ZFHX3: variants seen among roughly 807,000 people sequenced by gnomAD.
The protein encoded by ZFHX3 is zinc finger homeobox 3.
ZFHX3 carries 42 observed loss-of-function variants against 279.1 expected under a neutral mutation model. The ratio of observed to expected loss-of-function variants is 0.15; its 90% CI spans 0.12 to 0.19. The LOEUF (loss-of-function observed/expected upper bound fraction) is 0.19, where lower values mean the gene tolerates loss of function less well. Among genes scored for constraint, ZFHX3 ranks in the 10% least tolerant of loss-of-function variants. The pLI, the probability that ZFHX3 is intolerant of heterozygous loss-of-function variation, is 1.00. For synonymous variants in ZFHX3, 2,293 were observed against 1,957.8 expected, an observed-to-expected ratio of 1.17 and a Z score of -4.52; for missense variants, 4,981 against 4,754.0, an observed-to-expected ratio of 1.05 and a Z score of -1.40.
intron 4 of ZFHX3, among the ~76,000 whole-genome samples, chr16:73,313,982 C>T (rs2015388157): frequency 6.6e-6 from 1 of 152,060 alleles, no homozygotes; most frequent in African/African-American, 2.4e-5. Flanking sequence ...ACCTGTAGTC[C>T]CAGCTCCTTG....
At chr16:73,485,048 C>A (rs2018949006) in intron 2 of ZFHX3, among the ~76,000 whole-genome samples, 1 of 152,060 alleles carries the variant, frequency 6.6e-6, no homozygotes, top group African/African-American at 2.4e-5. Context: ...CCAATTTTGT[C>A]CTCCAAAGGG....
chr16:73,052,068 C>A (rs563880577), upstream of ZFHX3, among the ~76,000 whole-genome samples: 50 of 152,188 alleles, frequency 3.3e-4, no homozygotes, highest in African/African-American at 1.1e-3. Flanking sequence ...CCATTCCCAC[C>A]GTCTGACACA....
intron 5 of ZFHX3, among the ~76,000 whole-genome samples, chr16:73,144,900 C>T (rs971761720): frequency 2.6e-5 from 4 of 152,222 alleles, no homozygotes; most frequent in African/African-American, 9.7e-5. Context: ...CCTAACTACC[C>T]TGGCATAACA....
chr16:73,161,719 C>T (rs75204725), intron 5 of ZFHX3, among the ~76,000 whole-genome samples: 204 of 152,270 alleles, frequency 1.3e-3, no homozygotes, highest in Middle Eastern at 3.4e-3. Context: ...GGAATCTGCA[C>T]GGTAAACAAG....
At chr16:72,825,601 T>C (rs1419585572) in intron 5 of ZFHX3, among the ~76,000 whole-genome samples, 2 of 152,208 alleles carry the variant, frequency 1.3e-5, no homozygotes, top group Non-Finnish European at 2.9e-5. Flanking sequence ...CCTGTGTACC[T>C]GTGAGCAATT....
At position 73,324,075 on chromosome 16, in the gene ZFHX3, A is replaced by G. The variant is rs950586709; in HGVS notation, c.-1290-5739T>C. On this transcript the variant is annotated intron_variant, in intron 3 of 17. Coordinates refer to the ZFHX3 transcript ENST00000641206. Reference sequence around the variant, plus strand: ...TATCACATGAGGGAAAAGGAACTAGAGTAGCTGACAAGAGCCTTTGAGCTG... The same window carrying G: ...TATCACATGAGGGAAAAGGAACTAGGGTAGCTGACAAGAGCCTTTGAGCTG... Among the ~76,000 whole-genome samples the G allele has an allele frequency of 5.3e-5, 8 of 152,346 alleles. No individual in the cohort carries two copies. In the South Asian group the frequency reaches 6.2e-4, roughly 12 times the overall value.
intron 1 of ZFHX3, among the ~76,000 whole-genome samples, chr16:73,817,083 G>A (rs1024174118): frequency 2.0e-5 from 3 of 152,164 alleles, no homozygotes; most frequent in Non-Finnish European, 2.9e-5. Flanking sequence ...ATGGCGATGA[G>A]GAAGGAGAAG....
chr16:73,481,969 TGTAA>T (rs1345486914), intron 2 of ZFHX3, among the ~76,000 whole-genome samples: 1 of 152,146 alleles, frequency 6.6e-6, no homozygotes, highest in Non-Finnish European at 1.5e-5. Flanking sequence ...TCAAGTCCAG[TGTAA>T]GTAACATTTG....
At chr16:73,886,317 C>A (rs2030345374) in intron 1 of ZFHX3, among the ~76,000 whole-genome samples, 2 of 151,986 alleles carry the variant, frequency 1.3e-5, no homozygotes, top group South Asian at 2.1e-4. Context: ...AAAAAAACAC[C>A]ATTCCCATTA....
chr16:72,967,074 T>A (rs1567610478), intron 1 of ZFHX3, among the ~76,000 whole-genome samples: 2 of 152,194 alleles, frequency 1.3e-5, no homozygotes, highest in Non-Finnish European at 2.9e-5. Flanking sequence ...GTGCTATTCA[T>A]CTCTGAGTCC....
intron 1 of ZFHX3, among the ~76,000 whole-genome samples, chr16:72,993,911 C>G (rs1294791639): frequency 6.6e-6 from 1 of 152,132 alleles, no homozygotes; most frequent in Non-Finnish European, 1.5e-5. Context: ...TGGGTTGAAT[C>G]CAGTTATAAA....
chr16:72,928,495 G>C (rs1252598605), intron 3 of ZFHX3, among the ~76,000 whole-genome samples: 1 of 152,002 alleles, frequency 6.6e-6, no homozygotes, highest in Non-Finnish European at 1.5e-5. Context: ...GCTCACCAAG[G>C]CACCCTAAGG....
intron 4 of ZFHX3, among the ~76,000 whole-genome samples, chr16:72,881,681 A>C (rs2038475163): frequency 6.6e-6 from 1 of 152,188 alleles, no homozygotes; most frequent in African/African-American, 2.4e-5. Context: ...AGAGGCTAGG[A>C]TAGGGGATCC....
At chr16:73,055,056 A>C (rs553495589) in intron 1 of ZFHX3, among the ~76,000 whole-genome samples, 2 of 149,714 alleles carry the variant, frequency 1.3e-5, no homozygotes, top group South Asian at 4.3e-4. Flanking sequence ...AAAAAAAAAA[A>C]GGCAGCTTTA....
chr16:73,695,389 T>TG (rs2053188957), intron 1 of ZFHX3, among the ~76,000 whole-genome samples: 1 of 152,064 alleles, frequency 6.6e-6, no homozygotes, highest in Non-Finnish European at 1.5e-5. Flanking sequence ...GGCACCCAGC[T>TG]GGCTGAGACT....
chr16:73,362,907 A>C (rs535684278), intron 3 of ZFHX3, among the ~76,000 whole-genome samples: 1 of 152,372 alleles, frequency 6.6e-6, no homozygotes, highest in Non-Finnish European at 1.5e-5. Context: ...ACAAGTAAGA[A>C]TTGCTAAAGT....
intron 3 of ZFHX3, among the ~76,000 whole-genome samples, chr16:72,906,290 C>G (rs1266359582): frequency 6.6e-6 from 1 of 152,038 alleles, no homozygotes; most frequent in African/African-American, 2.4e-5. Context: ...GCCAAAACAT[C>G]CCCTGCTTAC....
intron 1 of ZFHX3, among the ~76,000 whole-genome samples, chr16:73,806,594 G>T (rs949123010): frequency 1.3e-5 from 2 of 151,974 alleles, no homozygotes; most frequent in African/African-American, 4.8e-5. Flanking sequence ...AATAACACTG[G>T]TTGGTGGGGG....
chr16:72,962,891 G>A (rs375945893), intron 1 of ZFHX3, among the ~76,000 whole-genome samples: 26 of 152,094 alleles, frequency 1.7e-4, no homozygotes, highest in Admixed American at 9.8e-4. Flanking sequence ...AGGGGGACGC[G>A]CGCACAGAGG....
Sources: gnomAD v4.1 joint callset for allele counts (sites outside exome capture counted in the v4.1 genomes callset) on GRCh38, gnomAD v4.1.1 for gene constraint, MANE v1.5 for transcripts, NCBI Gene and HGNC (gene_info 2026-07-23, HGNC 2026-07-21) for gene names.